LCP1: variants seen among roughly 807,000 people sequenced by gnomAD.
LCP1 encodes plastin-2.
LCP1 carries 23 observed loss-of-function variants against 72.0 expected under a neutral mutation model. That is an observed-to-expected ratio of 0.32 (90% CI 0.23 to 0.45). LCP1 has a LOEUF of 0.45. Ranked by LOEUF, LCP1 falls within the 20% of genes least tolerant of loss-of-function variation. The pLI, the probability that LCP1 is intolerant of heterozygous loss-of-function variation, is 1.00. For synonymous variants in LCP1, 245 were observed against 275.4 expected, an observed-to-expected ratio of 0.89 and a Z score of 1.09; for missense variants, 571 against 748.3, an observed-to-expected ratio of 0.76 and a Z score of 2.76.
At chr13:46,163,442 C>A (rs1371442016) in intron 1 of LCP1, among the ~76,000 whole-genome samples, 1 of 152,042 alleles carries the variant, frequency 6.6e-6, no homozygotes, top group Non-Finnish European at 1.5e-5. Flanking sequence ...AGGCAGCATG[C>A]TCGTTAAGAG....
chr13:46,176,497 A>G (rs74074069), intron 1 of LCP1, among the ~76,000 whole-genome samples: 1 of 152,220 alleles, frequency 6.6e-6, no homozygotes, highest in Admixed American at 6.5e-5. Context: ...AACTTTGCCT[A>G]AGGAATGCTG....
rs2045959066 is a variant in LCP1, at chr13:46,182,146, G to A, written c.-60C>T. ...AAAAGCTGTCCTTGGTAGTACTGGT[G>A]TATGACCAGGAACCCCTTCTTTCTG... On this transcript the variant is annotated 5_prime_UTR_variant, in exon 1 of 16. Transcript: ENST00000323076. The A allele has an allele frequency of 6.6e-6, 1 of 152,214 alleles. No homozygotes were observed. The highest frequency in any genetic ancestry group is 1.5e-5 in the Non-Finnish European group (1 of 68,044). 9.4% of individuals were successfully genotyped at this position (152,214 alleles called of 1,614,324 possible).
intron 15 of LCP1, among the ~76,000 whole-genome samples, chr13:46,129,555 C>T (rs2045621322): frequency 6.6e-6 from 1 of 152,200 alleles, no homozygotes. Flanking sequence ...CCCTTCCACA[C>T]CTCTCATCAC....
chr13:46,164,803 T>C (rs1417663106), intron 1 of LCP1, among the ~76,000 whole-genome samples: 3 of 152,200 alleles, frequency 2.0e-5, no homozygotes, highest in African/African-American at 7.2e-5. Context: ...AATGTCCTCA[T>C]TTTATAAATA....
chr13:46,157,741 C>CT (rs548259648), intron 4 of LCP1, among the ~76,000 whole-genome samples: 5,721 of 99,750 alleles, frequency 0.057, 283 homozygotes, highest in East Asian at 0.1. Context: ...CATGACTTAT[C>CT]TTTTTTTTTT....
chr13:46,171,407 G>GACT, intron 1 of LCP1, among the ~76,000 whole-genome samples: 1 of 152,104 alleles, frequency 6.6e-6, no homozygotes, highest in Non-Finnish European at 1.5e-5. Context: ...TTTTACTTAG[G>GACT]ACTGGGCCCT....
At chr13:46,146,522 A>C (rs914557960) in intron 10 of LCP1, among the ~76,000 whole-genome samples, 2 of 152,376 alleles carry the variant, frequency 1.3e-5, no homozygotes, top group South Asian at 4.1e-4. Flanking sequence ...ATATCCCAGC[A>C]TACCTTAAAT....
chr13:46,130,728 A>G, intron 15 of LCP1, 86 bp downstream of exon 15: 1 of 1,464,266 alleles, frequency 6.8e-7, no homozygotes, highest in Non-Finnish European at 9.4e-7. Context: ...ATGTTTGTAT[A>G]AAGGCATGAG....
chr13:46,134,867 G>A (rs749948397), intron 13 of LCP1, among the ~76,000 whole-genome samples: 6 of 152,022 alleles, frequency 3.9e-5, no homozygotes, highest in African/African-American at 7.2e-5. Flanking sequence ...ACTTTAGGAG[G>A]CCAAGGTGAG....
At chr13:46,181,665 A>T (rs989207133) in intron 1 of LCP1, among the ~76,000 whole-genome samples, 2 of 152,234 alleles carry the variant, frequency 1.3e-5, no homozygotes, top group Admixed American at 1.3e-4. Context: ...TTTTTTAGAA[A>T]AACAGAACCG....
At position 46,127,408 on chromosome 13, in the gene LCP1, G is replaced by A; in HGVS notation, c.*183C>T. On this transcript the variant is annotated 3_prime_UTR_variant, in exon 16 of 16. Transcript: ENST00000323076. Reference sequence around the variant, plus strand: ...CTATATATAGGAGGTTGGGCCTCCTGCAAAGAATGAAGCACTTTTTGTTAA... The same window carrying A: ...CTATATATAGGAGGTTGGGCCTCCTACAAAGAATGAAGCACTTTTTGTTAA... The A allele has an allele frequency of 3.2e-6, 2 of 618,920 alleles. No individual in the cohort carries two copies. The highest frequency in any genetic ancestry group is 5.4e-6 in the Non-Finnish European group (2 of 370,554). The allele number at this position is 618,920 out of a possible 1,614,324, so 38.3% of individuals were successfully genotyped here. A position where few individuals can be genotyped will look rare whatever the true frequency, so the allele number is the denominator to read the frequency against.
At position 46,127,252 on chromosome 13, in the gene LCP1, G is replaced by A. The variant is rs751631546; in HGVS notation, c.*339C>T. ...GAAGCCACATGAAGCTGGTTTGAAA[G>A]ATTATATCAAAATTAATACCACTGC... On this transcript the variant is annotated 3_prime_UTR_variant, in exon 16 of 16. Coordinates refer to ENST00000323076, the MANE Select transcript of LCP1 (RefSeq NM_002298.5). 1.5e-5 allele frequency: 4 copies of A among 263,048 alleles called. No individual in the cohort carries two copies. The highest frequency in any genetic ancestry group is 1.2e-4 in the South Asian group (1 of 8,438). The allele number at this position is 263,048 out of a possible 1,614,324, so 16.3% of individuals were successfully genotyped here. A position where few individuals can be genotyped will look rare whatever the true frequency, so the allele number is the denominator to read the frequency against.
At chr13:46,155,259 C>G (rs1456940226) in intron 5 of LCP1, among the ~76,000 whole-genome samples, 2 of 152,178 alleles carry the variant, frequency 1.3e-5, no homozygotes, top group African/African-American at 2.4e-5. Flanking sequence ...AAAAGACTGT[C>G]TACAAAATTC....
chr13:46,162,832 C>G (rs563839004), intron 1 of LCP1, among the ~76,000 whole-genome samples: 8 of 151,548 alleles, frequency 5.3e-5, no homozygotes, highest in South Asian at 2.1e-4. Context: ...TCTGCCCGGC[C>G]GCGACCCCGT....
In LCP1 at chr13:46,156,481, T is replaced by C; in HGVS notation, c.448A>G (p.Thr150Ala). Reference protein sequence around the residue: ...CRHVIPMNPNTNDLFNAVGDG... With the variant: ...CRHVIPMNPNANDLFNAVGDG... Reference sequence around the variant, plus strand: ...CCAACAGCATTAAAGAGATCATTCGTGTTTGGGTTCATTGGGATGACATGC... The same window carrying C: ...CCAACAGCATTAAAGAGATCATTCGCGTTTGGGTTCATTGGGATGACATGC... Residue 150 changes from threonine (T) to alanine (A), a missense_variant, in exon 5 of 16, where the codon ACG (threonine) becomes GCG (alanine). Physicochemically the swap from Thr to Ala is moderately conservative, Grantham distance 58. Transcript: ENST00000323076. 1 of 1,614,186 alleles carries C rather than the reference T, an allele frequency of 6.2e-7. No homozygotes were observed. The highest frequency in any genetic ancestry group is 8.5e-7 in the Non-Finnish European group (1 of 1,180,020).
chr13:46,146,805 CA>C (rs1364307901), intron 10 of LCP1, 102 bp downstream of exon 10: 1 of 1,142,538 alleles, frequency 8.8e-7, no homozygotes. Context: ...GGCCTGTTTG[CA>C]CATGTAAATA....
At position 46,147,068 on chromosome 13, in the gene LCP1, C is replaced by A. The variant is rs375906456; in HGVS notation, c.1014G>T (p.Leu338=). 8 of 1,610,360 alleles carry A rather than the reference C, an allele frequency of 5.0e-6. No homozygotes were observed. Among genetic ancestry groups the A allele is most frequent in the Non-Finnish European group, 5.9e-6 (7 of 1,178,352 alleles). ...KDDIQRAECM[L]QQAERLGCRQ... is the part of the protein sequence containing the mutation. Reference sequence around the variant, plus strand: ...GGCAGCCCAGCCTCTCCGCCTGCTGCAGCATGCATTCTGCCCTCTGGATGT... The same window carrying A: ...GGCAGCCCAGCCTCTCCGCCTGCTGAAGCATGCATTCTGCCCTCTGGATGT... Residue 338 remains leucine, a synonymous_variant, in exon 10 of 16, where the codon CTG becomes CTT. Transcript: ENST00000323076.
intron 15 of LCP1, among the ~76,000 whole-genome samples, chr13:46,130,198 C>G (rs2045625367): frequency 1.3e-5 from 2 of 152,192 alleles, no homozygotes; most frequent in Admixed American, 6.5e-5. Flanking sequence ...TGTTCATTAA[C>G]TTTTTTTGCA....
intron 8 of LCP1, among the ~76,000 whole-genome samples, chr13:46,150,380 C>G (rs895679379): frequency 6.6e-6 from 1 of 152,188 alleles, no homozygotes; most frequent in Non-Finnish European, 1.5e-5. Context: ...CCTGCCTCAG[C>G]CTTTCCCCTA....
Sources: gnomAD v4.1 joint callset for allele counts (sites outside exome capture counted in the v4.1 genomes callset) on GRCh38, gnomAD v4.1.1 for gene constraint, MANE v1.5 for transcripts, NCBI Gene and HGNC (gene_info 2026-07-23, HGNC 2026-07-21) for gene names.